UBE3C: variants seen among roughly 807,000 people sequenced by gnomAD.
UBE3C encodes the protein ubiquitin-protein ligase E3C.
In UBE3C, 42 loss-of-function variants were observed where a neutral mutation model predicts 129.4. The ratio of observed to expected loss-of-function variants is 0.32; its 90% confidence interval spans 0.25 to 0.42. The LOEUF (loss-of-function observed/expected upper bound fraction) is 0.42. Ranked by LOEUF, UBE3C falls within the 10% of genes least tolerant of loss-of-function variation. The probability of loss-of-function intolerance (pLI) is 1.00; values close to 1 mark genes in which losing one functional copy is unlikely to be tolerated. For missense variants in UBE3C, 1,049 were observed against 1,319.1 expected, an observed-to-expected ratio of 0.80 and a Z score of 3.17; for synonymous variants, 510 against 492.4, an observed-to-expected ratio of 1.04 and a Z score of -0.47.
chr7:157,186,911 C>G lies in UBE3C; in HGVS notation c.1221C>G (p.Thr407=), dbSNP rs755171873. The part of the protein sequence containing the change: ...KKLDTKQQTN[T]LLNLVWRDSA... ...TGGACACAAAGCAGCAGACCAACAC[C>G]CTGCTCAACCTGGTGTGGAGGGACT... Residue 407 remains threonine (T), a synonymous_variant, in exon 10 of 23, where the codon ACC becomes ACG. Coordinates refer to ENST00000348165, the MANE Select transcript of UBE3C (RefSeq NM_014671.3). 1.4e-5 allele frequency: 23 copies of G among 1,614,006 alleles called. No individual in the cohort carries two copies. The highest frequency in any genetic ancestry group is 1.9e-5 in the Non-Finnish European group (22 of 1,180,038).
At chr7:157,180,003 C>G (rs553551228) in intron 6 of UBE3C, among the ~76,000 whole-genome samples, 1 of 152,008 alleles carries the variant, frequency 6.6e-6, no homozygotes, top group Non-Finnish European at 1.5e-5. Flanking sequence ...TAAGACTAAG[C>G]GTTTGAGAAT....
chr7:157,154,608 G>A (rs1169526479), intron 1 of UBE3C, among the ~76,000 whole-genome samples: 4 of 152,174 alleles, frequency 2.6e-5, no homozygotes, highest in African/African-American at 9.6e-5. Flanking sequence ...TCCTATCAAT[G>A]GATACATATA....
intron 22 of UBE3C, among the ~76,000 whole-genome samples, chr7:157,265,828 G>A (rs192477854): frequency 1.0e-3 from 152 of 152,336 alleles, no homozygotes; most frequent in Non-Finnish European, 1.6e-3. Flanking sequence ...ATACAGGGAT[G>A]AGAATTTTCA....
chr7:157,240,527 G>A lies in UBE3C; in HGVS notation c.2482-7841G>A, dbSNP rs949512555. On this transcript the variant is annotated intron_variant, in intron 18 of 22. Coordinates refer to ENST00000348165, the MANE Select transcript of UBE3C (RefSeq NM_014671.3). ...CGTGTGGGTTACTTTTTCTACACCC[G>A]TAAACGGCTGTGTGGGTCTGACTAG... 3.3e-5 allele frequency among the ~76,000 whole-genome samples: 5 copies of A among 152,186 alleles called. No homozygotes were observed. In the East Asian group the frequency reaches 5.8e-4, roughly 18 times the overall value.
At chr7:157,224,886 TGAATTTTGTCAGA>T (rs1181194130) in intron 16 of UBE3C, among the ~76,000 whole-genome samples, 2 of 152,202 alleles carry the variant, frequency 1.3e-5, no homozygotes, top group African/African-American at 4.8e-5. Flanking sequence ...AAAAATTATT[TGAATTTTGTCAGA>T]GATATTTCTA....
chr7:157,257,464 AC>A (rs1563077646), intron 22 of UBE3C, among the ~76,000 whole-genome samples: 1 of 152,212 alleles, frequency 6.6e-6, no homozygotes, highest in Non-Finnish European at 1.5e-5. Flanking sequence ...TGTTGATCTT[AC>A]GTAATTTGGC....
chr7:157,267,066 C>G (rs1461689438), intron 22 of UBE3C, among the ~76,000 whole-genome samples: 1 of 151,978 alleles, frequency 6.6e-6, no homozygotes, highest in Non-Finnish European at 1.5e-5. Context: ...CCTTTTTATG[C>G]CTGAAGCACA....
chr7:157,242,807 A>T (rs772621686), intron 18 of UBE3C, among the ~76,000 whole-genome samples: 5 of 152,162 alleles, frequency 3.3e-5, no homozygotes, highest in Non-Finnish European at 7.3e-5. Flanking sequence ...CTGTAATCCC[A>T]GCACTTTGGG....
intron 13 of UBE3C, among the ~76,000 whole-genome samples, chr7:157,213,954 A>G (rs1430436335): frequency 6.6e-6 from 1 of 152,218 alleles, no homozygotes; most frequent in African/African-American, 2.4e-5. Context: ...CTAAAAATGT[A>G]TTATTTGATA....
intron 15 of UBE3C, chr7:157,222,104 C>T (rs1349526612): frequency 6.6e-6 from 1 of 152,182 alleles, no homozygotes; most frequent in Non-Finnish European, 1.5e-5. Context: ...CTCCTGGGCT[C>T]AAGGGATCTT....
intron 17 of UBE3C, among the ~76,000 whole-genome samples, chr7:157,227,026 C>T (rs910753452): frequency 6.6e-6 from 1 of 152,150 alleles, no homozygotes; most frequent in Non-Finnish European, 1.5e-5. Context: ...GCAGATTTCA[C>T]GTTCATCTCT....
intron 17 of UBE3C, among the ~76,000 whole-genome samples, chr7:157,229,255 C>A (rs867520001): frequency 6.6e-6 from 1 of 152,190 alleles, no homozygotes; most frequent in Non-Finnish European, 1.5e-5. Flanking sequence ...TCTGATTCAG[C>A]CTGTTTATCA....
intron 21 of UBE3C, 22 bp from the exon 22 acceptor site, chr7:157,256,892 G>T (rs370029145): frequency 1.1e-5 from 17 of 1,613,578 alleles, no homozygotes; most frequent in Admixed American, 5.0e-5. Context: ...ATTTCATAAA[G>T]CATGTGTTCA....
chr7:157,140,775 C>T (rs1194528436), intron 1 of UBE3C, among the ~76,000 whole-genome samples: 1 of 152,196 alleles, frequency 6.6e-6, no homozygotes, highest in East Asian at 1.9e-4. Flanking sequence ...TGCATCTCTG[C>T]TCTGAGGGAG....
chr7:157,245,675 G>T (rs1235767615), intron 18 of UBE3C, among the ~76,000 whole-genome samples: 2 of 152,086 alleles, frequency 1.3e-5, no homozygotes, highest in African/African-American at 4.8e-5. Context: ...ATAATACTTT[G>T]GTTTACCTGG....
intron 4 of UBE3C, among the ~76,000 whole-genome samples, chr7:157,171,775 C>T (rs1459480585): frequency 8.1e-5 from 11 of 136,410 alleles, no homozygotes; most frequent in Admixed American, 5.6e-4. Context: ...GGCATCATCT[C>T]GGCTCACTGT....
At chr7:157,237,727 T>C (rs538527196) in intron 18 of UBE3C, among the ~76,000 whole-genome samples, 1 of 152,220 alleles carries the variant, frequency 6.6e-6, no homozygotes, top group East Asian at 1.9e-4. Flanking sequence ...TTGGCTCTTA[T>C]TTGTGCAATA....
intron 10 of UBE3C, chr7:157,198,207 G>A: frequency 6.4e-7 from 1 of 1,553,942 alleles, no homozygotes; most frequent in Admixed American, 1.7e-5. Flanking sequence ...CATATATTCA[G>A]ACCGCTTACA....
At chr7:157,141,181 C>T (rs7784588) in intron 1 of UBE3C, among the ~76,000 whole-genome samples, 3,930 of 152,206 alleles carry the variant, frequency 0.026, 191 homozygotes, top group African/African-American at 0.09. Flanking sequence ...TAGGAACTGG[C>T]AGCAGCTGGG....
Sources: gnomAD v4.1 joint callset for allele counts (sites outside exome capture counted in the v4.1 genomes callset) on GRCh38, gnomAD v4.1.1 for gene constraint, MANE v1.5 for transcripts, NCBI Gene and HGNC (gene_info 2026-07-23, HGNC 2026-07-21) for gene names.